The following COMMD10 variants were observed in gnomAD, a reference collection of about 807,000 sequenced individuals.
The protein encoded by COMMD10 is COMM domain-containing protein 10.
In COMMD10, 33 loss-of-function variants were observed where a neutral mutation model predicts 28.9. The observed-to-expected ratio is 1.14, with a 90% CI of 0.87 to 1.53. The LOEUF (loss-of-function observed/expected upper bound fraction) is 1.53, where lower values mean the gene tolerates loss of function less well. Among genes scored for constraint, COMMD10 ranks in the 40% most tolerant of loss-of-function variants. COMMD10 has a pLI of 0.00. For synonymous variants in COMMD10, 110 were observed against 81.7 expected (o/e 1.35, Z -1.87); for missense variants, 310 against 233.4 (o/e 1.33, Z -2.14).
chr5:116,173,834 TTTTG>T (rs1437394383), intron 5 of COMMD10, among the ~76,000 whole-genome samples: 1 of 141,406 alleles, frequency 7.1e-6, no homozygotes, highest in African/African-American at 3.0e-5. Context: ...TTTTGTTTTG[TTTTG>T]TTTTGTTTTT....
chr5:116,108,735 A>AC (rs1381251599), intron 4 of COMMD10, among the ~76,000 whole-genome samples: 40 of 74,814 alleles, frequency 5.3e-4, no homozygotes, highest in South Asian at 1.3e-3. Flanking sequence ...GGGGTATGAA[A>AC]AAAACAAACA....
intron 5 of COMMD10, among the ~76,000 whole-genome samples, chr5:116,196,367 G>T (rs909626595): frequency 6.6e-6 from 1 of 152,006 alleles, no homozygotes; most frequent in Non-Finnish European, 1.5e-5. Flanking sequence ...AGGGGGTGAG[G>T]GATAAAAGAC....
At chr5:116,236,999 G>A (rs909077515) in intron 5 of COMMD10, among the ~76,000 whole-genome samples, 7 of 152,070 alleles carry the variant, frequency 4.6e-5, no homozygotes, top group Non-Finnish European at 1.0e-4. Context: ...AGGGGTTAAT[G>A]TATTGGGGTG....
intron 5 of COMMD10, among the ~76,000 whole-genome samples, chr5:116,270,389 A>G (rs1471665480): frequency 1.3e-5 from 2 of 151,946 alleles, no homozygotes; most frequent in South Asian, 4.2e-4. Context: ...CTTCTAGGCA[A>G]AAAAGGTAGA....
chr5:116,266,184 C>T (rs906658886), intron 5 of COMMD10, among the ~76,000 whole-genome samples: 1 of 151,666 alleles, frequency 6.6e-6, no homozygotes, highest in East Asian at 1.9e-4. Flanking sequence ...CAGGAAAATG[C>T]AGTGCCCAAA....
chr5:116,153,919 C>G (rs1015144481), intron 5 of COMMD10, among the ~76,000 whole-genome samples: 3 of 151,878 alleles, frequency 2.0e-5, no homozygotes, highest in Admixed American at 6.6e-5. Context: ...TGGGGCTTTA[C>G]GGGTGATGGA....
At position 116,149,211 on chromosome 5, in the gene COMMD10, T is replaced by G. The variant is rs1171260505; in HGVS notation, c.510+15033T>G. 2.0e-5 allele frequency among the ~76,000 whole-genome samples: 3 copies of G among 147,240 alleles called. 1 individual carries two copies. Among genetic ancestry groups the G allele is most frequent in the Non-Finnish European group, 4.4e-5 (3 of 67,564 alleles). On this transcript the variant is annotated intron_variant, in intron 5 of 6. Transcript: ENST00000274458. ...CATCATTTTTTATGGCTGCGTAGTA[T>G]TCCATGGTATATATGTGACACATTT...
intron 5 of COMMD10, among the ~76,000 whole-genome samples, chr5:116,190,445 G>T (rs1310255070): frequency 6.6e-6 from 1 of 152,162 alleles, no homozygotes; most frequent in Non-Finnish European, 1.5e-5. Context: ...CATATGTACA[G>T]AAATTGCTAC....
intron 4 of COMMD10, among the ~76,000 whole-genome samples, chr5:116,100,676 T>C (rs989604526): frequency 9.2e-5 from 13 of 141,180 alleles, no homozygotes; most frequent in East Asian, 2.0e-4. Context: ...AGAGGGCCAA[T>C]TGAAAAAAAA....
At chr5:116,283,794 C>T (rs184095742) in intron 5 of COMMD10, among the ~76,000 whole-genome samples, 2 of 151,866 alleles carry the variant, frequency 1.3e-5, no homozygotes, top group East Asian at 3.9e-4. Flanking sequence ...ATTTATATTA[C>T]ATATCCAGTT....
chr5:116,269,822 C>G (rs1246663852), intron 5 of COMMD10, among the ~76,000 whole-genome samples: 1 of 151,694 alleles, frequency 6.6e-6, no homozygotes, highest in Non-Finnish European at 1.5e-5. Flanking sequence ...ACTTGCCAGT[C>G]TTACTTCTCT....
intron 5 of COMMD10, among the ~76,000 whole-genome samples, chr5:116,263,028 T>G (rs1750489744): frequency 6.6e-6 from 1 of 151,840 alleles, no homozygotes; most frequent in Non-Finnish European, 1.5e-5. Flanking sequence ...GCTAAACATA[T>G]TTTTTAATAG....
chr5:116,190,036 C>T (rs1429658461), intron 5 of COMMD10, among the ~76,000 whole-genome samples: 4 of 152,142 alleles, frequency 2.6e-5, no homozygotes. Context: ...CCTAAGCAAT[C>T]AGCACGCTTT....
At chr5:116,214,652 A>G (rs1399393513) in intron 5 of COMMD10, among the ~76,000 whole-genome samples, 2 of 151,898 alleles carry the variant, frequency 1.3e-5, no homozygotes, top group Non-Finnish European at 2.9e-5. Context: ...TTGCATTGAA[A>G]TCTCTTTTTA....
chr5:116,216,431 T>C (rs1325291609), intron 5 of COMMD10, among the ~76,000 whole-genome samples: 1 of 152,230 alleles, frequency 6.6e-6, no homozygotes, highest in Non-Finnish European at 1.5e-5. Flanking sequence ...CATAATAGGT[T>C]ATGTTTTTGT....
intron 5 of COMMD10, among the ~76,000 whole-genome samples, chr5:116,254,912 A>T (rs1291687279): frequency 2.0e-5 from 3 of 151,304 alleles, no homozygotes; most frequent in Non-Finnish European, 4.4e-5. Flanking sequence ...AAAGTCTCCC[A>T]TTATTAATGT....
chr5:116,132,407 A>G (rs1751890294), intron 4 of COMMD10, among the ~76,000 whole-genome samples: 3 of 152,142 alleles, frequency 2.0e-5, no homozygotes, highest in South Asian at 2.1e-4. Flanking sequence ...AGCATGAACC[A>G]AATCATAAAC....
At chr5:116,144,830 C>T (rs975554133) in intron 5 of COMMD10, among the ~76,000 whole-genome samples, 1 of 151,636 alleles carries the variant, frequency 6.6e-6, no homozygotes, top group Non-Finnish European at 1.5e-5. Flanking sequence ...GGAAATAGGA[C>T]AGTTTATGTA....
At chr5:116,172,438 C>T (rs75933330) in intron 5 of COMMD10, among the ~76,000 whole-genome samples, 1 of 152,118 alleles carries the variant, frequency 6.6e-6, no homozygotes, top group African/African-American at 2.4e-5. Flanking sequence ...ATGTGCTACC[C>T]TGAATTACAA....
Sources: gnomAD v4.1 joint callset for allele counts (sites outside exome capture counted in the v4.1 genomes callset) on GRCh38, gnomAD v4.1.1 for gene constraint, MANE v1.5 for transcripts, NCBI Gene and HGNC (gene_info 2026-07-23, HGNC 2026-07-21) for gene names.